The following DLGAP2 variants were observed in gnomAD, a reference collection of about 807,000 sequenced individuals.
DLGAP2 encodes disks large-associated protein 2.
In DLGAP2, 26 loss-of-function variants were observed where a neutral mutation model predicts 100.3. The ratio of observed to expected loss-of-function variants is 0.26; its 90% CI spans 0.19 to 0.36. The LOEUF (loss-of-function observed/expected upper bound fraction) is 0.36, where lower values mean the gene tolerates loss of function less well. Ranked by LOEUF, DLGAP2 falls within the 10% of genes least tolerant of loss-of-function variation. The probability of loss-of-function intolerance (pLI) is 1.00; values close to 1 mark genes in which losing one functional copy is unlikely to be tolerated. For missense variants in DLGAP2, 1,858 were observed against 1,453.2 expected, an observed-to-expected ratio of 1.28 and a Z score of -4.53; for synonymous variants, 886 against 630.1, an observed-to-expected ratio of 1.41 and a Z score of -6.08.
At chr8:1,570,574 G>C (rs1033305092) in intron 6 of DLGAP2, among the ~76,000 whole-genome samples, 2 of 152,232 alleles carry the variant, frequency 1.3e-5, no homozygotes, top group Non-Finnish European at 2.9e-5. Flanking sequence ...CCACAGTGTA[G>C]GTGCAGACGC....
chr8:1,036,051 G>C (rs969835322), intron 2 of DLGAP2, among the ~76,000 whole-genome samples: 7 of 125,736 alleles, frequency 5.6e-5, no homozygotes, highest in African/African-American at 1.9e-4. Flanking sequence ...CGCTCATCCC[G>C]ACCCCGCGTG....
chr8:1,510,517 C>T (rs991422351), intron 4 of DLGAP2, among the ~76,000 whole-genome samples: 1 of 152,188 alleles, frequency 6.6e-6, no homozygotes, highest in Non-Finnish European at 1.5e-5. Context: ...TTGAACACGA[C>T]GAAGGAGGGA....
rs572950056 is a variant in DLGAP2, at chr8:797,796, G to A, written c.18+59971G>A. ...ATGGAGTTTCACTCTTATTGCCCAGGCTGGAGTGCAGGGGTGTGATCTCTG... is the reference window on the plus strand; with the variant it reads ...ATGGAGTTTCACTCTTATTGCCCAGACTGGAGTGCAGGGGTGTGATCTCTG... On this transcript the variant is annotated intron_variant, in intron 1 of 14. Transcript: ENST00000637795. 4.5e-4 allele frequency among the ~76,000 whole-genome samples: 69 copies of A among 152,182 alleles called. No individual in the cohort carries two copies. In the South Asian group the frequency reaches 0.014, roughly 30 times the overall value.
At chr8:1,257,991 C>G (rs575941826) in intron 2 of DLGAP2, among the ~76,000 whole-genome samples, 2 of 152,234 alleles carry the variant, frequency 1.3e-5, no homozygotes, top group Non-Finnish European at 2.9e-5. Flanking sequence ...ACCTTGCACT[C>G]GTGTGTCTGT....
intron 1 of DLGAP2, among the ~76,000 whole-genome samples, chr8:799,120 T>C (rs1255859265): frequency 1.3e-5 from 2 of 152,204 alleles, no homozygotes; most frequent in Non-Finnish European, 2.9e-5. Context: ...TGACTTCTTT[T>C]GGATGAAGCC....
intron 3 of DLGAP2, chr8:1,380,123 G>T (rs1477504304): frequency 2.0e-5 from 3 of 152,150 alleles, no homozygotes; most frequent in East Asian, 1.9e-4. Flanking sequence ...CAGCCAAGCC[G>T]CTGGTTTGTA....
intron 3 of DLGAP2, among the ~76,000 whole-genome samples, chr8:1,457,756 G>T (rs1015396147): frequency 2.0e-5 from 3 of 151,388 alleles, no homozygotes; most frequent in Non-Finnish European, 4.4e-5. Flanking sequence ...CCCGTCCCAC[G>T]CCTCCCCCAG....
intron 1 of DLGAP2, among the ~76,000 whole-genome samples, chr8:826,700 T>A (rs968088577): frequency 6.6e-6 from 1 of 152,178 alleles, no homozygotes; most frequent in African/African-American, 2.4e-5. Flanking sequence ...CCGTCTGTGC[T>A]TCACTCGGTC....
chr8:1,533,366 C>A (rs1432056405), intron 4 of DLGAP2, among the ~76,000 whole-genome samples: 1 of 151,768 alleles, frequency 6.6e-6, no homozygotes, highest in Non-Finnish European at 1.5e-5. Context: ...ATTAGCCGGG[C>A]GTTGTGGCGG....
intron 1 of DLGAP2, among the ~76,000 whole-genome samples, chr8:775,840 G>T (rs1418032993): frequency 6.8e-6 from 1 of 146,906 alleles, no homozygotes; most frequent in Non-Finnish European, 1.5e-5. Context: ...GCCAGGCTTT[G>T]GTATCAGAAT....
In DLGAP2 at chr8:1,336,954, C is replaced by G. The variant is rs532602924; in HGVS notation, c.106+78071C>G. On this transcript the variant is annotated intron_variant, in intron 3 of 14. Coordinates refer to ENST00000637795, the MANE Select transcript of DLGAP2 (RefSeq NM_001346810.2). ...TTCATATTTTCTAAGTACAAGTTAT[C>G]CCACCCTAAAATGAAGATATTATTG... Among the ~76,000 whole-genome samples, 368 of 152,272 alleles carry G rather than the reference C, an allele frequency of 2.4e-3. 2 individuals are homozygous for G. The highest frequency in any genetic ancestry group is 8.4e-3 in the African/African-American group (350 of 41,562).
At chr8:1,150,480 C>T (rs1308030260) in intron 2 of DLGAP2, among the ~76,000 whole-genome samples, 1 of 151,802 alleles carries the variant, frequency 6.6e-6, no homozygotes, top group Non-Finnish European at 1.5e-5. Context: ...GCTGAAGAAT[C>T]TTCTATCTGG....
chr8:1,346,047 G>A (rs1801547161), intron 3 of DLGAP2, among the ~76,000 whole-genome samples: 1 of 152,208 alleles, frequency 6.6e-6, no homozygotes, highest in African/African-American at 2.4e-5. Context: ...CCACGCCATG[G>A]GCACTGTGCT....
intron 3 of DLGAP2, among the ~76,000 whole-genome samples, chr8:1,386,233 G>C (rs1796216778): frequency 6.6e-6 from 1 of 152,170 alleles, no homozygotes; most frequent in Non-Finnish European, 1.5e-5. Flanking sequence ...AATGATCCAG[G>C]AAAAGGAAAT....
chr8:1,443,914 C>T (rs181116033), intron 3 of DLGAP2, among the ~76,000 whole-genome samples: 1 of 152,122 alleles, frequency 6.6e-6, no homozygotes, highest in Non-Finnish European at 1.5e-5. Context: ...AAAACAAAAG[C>T]CTTCATTGAT....
intron 3 of DLGAP2, among the ~76,000 whole-genome samples, chr8:1,477,388 C>G (rs1798965171): frequency 6.6e-6 from 1 of 152,236 alleles, no homozygotes; most frequent in African/African-American, 2.4e-5. Flanking sequence ...TCCTTTCCTT[C>G]TGAAACCAGC....
At chr8:1,262,560 T>A (rs1048432712) in intron 3 of DLGAP2, 2 of 152,162 alleles carry the variant, frequency 1.3e-5, no homozygotes, top group African/African-American at 4.8e-5. Flanking sequence ...CTGATAATAA[T>A]AATAAATTTA....
chr8:845,530 G>C (rs980355139), intron 1 of DLGAP2, among the ~76,000 whole-genome samples: 1 of 152,152 alleles, frequency 6.6e-6, no homozygotes, highest in Non-Finnish European at 1.5e-5. Flanking sequence ...TTATTGGATA[G>C]TGAGGATTTA....
intron 6 of DLGAP2, among the ~76,000 whole-genome samples, chr8:1,587,721 A>G (rs939361607): frequency 6.6e-6 from 1 of 152,140 alleles, no homozygotes; most frequent in Admixed American, 6.5e-5. Context: ...CTTTCTTTAA[A>G]TTACTTTTTC....
Sources: allele counts gnomAD v4.1 joint callset (sites outside exome capture counted in the v4.1 genomes callset), GRCh38; gene constraint gnomAD v4.1.1; transcripts MANE v1.5; gene names NCBI Gene and HGNC (gene_info 2026-07-23, HGNC 2026-07-21).